The following ALK variants were observed in gnomAD, a reference collection of about 807,000 sequenced individuals.
The protein encoded by ALK is ALK receptor tyrosine kinase.
ALK carries 74 observed loss-of-function variants against 163.1 expected under a neutral mutation model. The observed-to-expected ratio is 0.45, with a 90% confidence interval of 0.38 to 0.55. The LOEUF is 0.55. Among genes scored for constraint, ALK ranks in the 20% least tolerant of loss-of-function variants. The probability of loss-of-function intolerance (pLI) is 0.00; values close to 1 mark genes in which losing one functional copy is unlikely to be tolerated. For missense variants in ALK, 2,063 were observed against 2,105.3 expected (o/e 0.98, Z 0.39); for synonymous variants, 960 against 843.2 (o/e 1.14, Z -2.40).
intron 4 of ALK, among the ~76,000 whole-genome samples, chr2:29,476,519 T>C (rs891896268): frequency 1.3e-5 from 2 of 151,678 alleles, no homozygotes; most frequent in Non-Finnish European, 1.5e-5. Flanking sequence ...TTTAGGTATA[T>C]GGAAAAAAAC....
intron 3 of ALK, among the ~76,000 whole-genome samples, chr2:29,681,725 C>T (rs192954347): frequency 2.0e-5 from 3 of 152,116 alleles, no homozygotes; most frequent in African/African-American, 7.2e-5. Context: ...GAGATTATCA[C>T]TTTCACCTAC....
At chr2:29,365,980 T>C (rs1436168216) in intron 5 of ALK, among the ~76,000 whole-genome samples, 1 of 152,156 alleles carries the variant, frequency 6.6e-6, no homozygotes. Context: ...AATCCTTCAT[T>C]TCCCTCCATT....
In ALK at chr2:29,574,868, G is replaced by A. The variant is rs1674479530; in HGVS notation, c.953-42752C>T. 2.0e-5 allele frequency among the ~76,000 whole-genome samples: 3 copies of A among 152,230 alleles called. No individual in the cohort carries two copies. In the South Asian group the frequency reaches 6.2e-4, roughly 32 times the overall value. On this transcript the variant is annotated intron_variant, in intron 3 of 28. Coordinates refer to ENST00000389048, the MANE Select transcript of ALK (RefSeq NM_004304.5). ...CACACACACCCTTTCCAAAAAGGATGAAGGTGAGCCTGCTGAAGTGCCCTT... is the reference window on the plus strand; with the variant it reads ...CACACACACCCTTTCCAAAAAGGATAAAGGTGAGCCTGCTGAAGTGCCCTT...
rs148800613 is a variant in ALK at position 29,491,292 on chromosome 2, A to G, written c.1154+40623T>C. Among the ~76,000 whole-genome samples the G allele has an allele frequency of 7.9e-3, 1,207 of 152,308 alleles. 21 individuals carry two copies. The highest frequency in any genetic ancestry group is 0.028 in the African/African-American group (1,173 of 41,560). ...AGAGACAGGTTTCCGTGGCTGATCC[A>G]TTAGTGCCTCTCAGAGTGCCTAGAA... On this transcript the variant is annotated intron_variant, in intron 4 of 28. Transcript: ENST00000389048.
At chr2:29,835,886 A>G (rs965290684) in intron 1 of ALK, among the ~76,000 whole-genome samples, 1 of 152,176 alleles carries the variant, frequency 6.6e-6, no homozygotes, top group African/African-American at 2.4e-5. Context: ...CTGTGAGTCC[A>G]TTAAACCTCT....
intron 4 of ALK, among the ~76,000 whole-genome samples, chr2:29,442,637 G>A (rs1052551395): frequency 5.3e-5 from 8 of 152,118 alleles, no homozygotes; most frequent in African/African-American, 1.9e-4. Flanking sequence ...GGCCTGGTTG[G>A]TGTCAGGATG....
intron 4 of ALK, among the ~76,000 whole-genome samples, chr2:29,387,427 G>A (rs1264263522): frequency 1.3e-5 from 2 of 152,184 alleles, no homozygotes; most frequent in Non-Finnish European, 2.9e-5. Flanking sequence ...AGGCAGGAGG[G>A]TTGGCTTGTG....
intron 3 of ALK, among the ~76,000 whole-genome samples, chr2:29,621,819 T>C (rs1275016018): frequency 2.0e-5 from 3 of 152,124 alleles, no homozygotes; most frequent in East Asian, 1.9e-4. Context: ...GCCAGCATCA[T>C]TGTGCGAATG....
Position 29,881,492 on chromosome 2 carries a change from G to C in ALK, c.667+38501C>G, listed in dbSNP as rs188721084. Among the ~76,000 whole-genome samples the C allele has an allele frequency of 1.7e-3, 265 of 152,298 alleles. 1 individual carries two copies. The highest frequency in any genetic ancestry group is 6.3e-3 in the African/African-American group (261 of 41,572). On this transcript the variant is annotated intron_variant, in intron 1 of 28. Transcript: ENST00000389048. ...AATTGTTCTGACTTTGGAGCAAAGG[G>C]CATGGTGGCATTGTCAGGCATGGCA...
At chr2:29,391,055 G>C (rs959543544) in intron 4 of ALK, among the ~76,000 whole-genome samples, 2 of 152,114 alleles carry the variant, frequency 1.3e-5, no homozygotes, top group African/African-American at 4.8e-5. Context: ...TCTGTAGGGG[G>C]GGCCAAGGCA....
At chr2:29,493,291 A>G (rs1470313165) in intron 4 of ALK, among the ~76,000 whole-genome samples, 1 of 152,134 alleles carries the variant, frequency 6.6e-6, no homozygotes, top group South Asian at 2.1e-4. Context: ...TGATCTGGGC[A>G]TCTCCAGTTG....
intron 3 of ALK, among the ~76,000 whole-genome samples, chr2:29,671,930 A>G (rs990409286): frequency 1.3e-5 from 2 of 151,988 alleles, no homozygotes; most frequent in Admixed American, 6.6e-5. Context: ...TTTAATTACA[A>G]AATAAATATG....
chr2:29,765,157 C>G (rs555193665), intron 1 of ALK, among the ~76,000 whole-genome samples: 1 of 152,274 alleles, frequency 6.6e-6, no homozygotes, highest in Non-Finnish European at 1.5e-5. Flanking sequence ...CCAATTAAAC[C>G]TATTTTATTT....
intron 1 of ALK, among the ~76,000 whole-genome samples, chr2:29,764,208 C>G (rs1245501730): frequency 6.6e-6 from 1 of 152,148 alleles, no homozygotes; most frequent in Non-Finnish European, 1.5e-5. Context: ...AGGCTGAGGC[C>G]CTGGGTTGAC....
intron 4 of ALK, among the ~76,000 whole-genome samples, chr2:29,512,333 C>T (rs1193953106): frequency 1.3e-5 from 2 of 149,620 alleles, no homozygotes; most frequent in African/African-American, 4.9e-5. Flanking sequence ...GGATGCAAGG[C>T]TGGTTCAATA....
intron 5 of ALK, among the ~76,000 whole-genome samples, chr2:29,378,350 C>T (rs750227157): frequency 2.0e-5 from 3 of 152,134 alleles, no homozygotes; most frequent in Admixed American, 6.5e-5. Context: ...TTCTACATGG[C>T]AAGGGAGACA....
chr2:29,565,800 C>T (rs1357963001), intron 3 of ALK, among the ~76,000 whole-genome samples: 1 of 152,176 alleles, frequency 6.6e-6, no homozygotes, highest in Non-Finnish European at 1.5e-5. Context: ...AACTCTGCTT[C>T]ACTCCTAAAA....
intron 3 of ALK, among the ~76,000 whole-genome samples, chr2:29,655,722 T>C (rs1378218737): frequency 6.6e-6 from 1 of 152,188 alleles, no homozygotes; most frequent in Non-Finnish European, 1.5e-5. Context: ...CAAACATGGA[T>C]TGCCTTTGAA....
chr2:29,670,119 T>C (rs1215339991), intron 3 of ALK, among the ~76,000 whole-genome samples: 1 of 152,124 alleles, frequency 6.6e-6, no homozygotes, highest in African/African-American at 2.4e-5. Context: ...TTTTTCACTT[T>C]GAAATGTTTT....
Sources: allele counts gnomAD v4.1 joint callset (sites outside exome capture counted in the v4.1 genomes callset), GRCh38; gene constraint gnomAD v4.1.1; transcripts MANE v1.5; gene names NCBI Gene and HGNC (gene_info 2026-07-23, HGNC 2026-07-21).